The following GRIP1 variants were observed in gnomAD, a reference collection of about 807,000 sequenced individuals.
GRIP1 encodes glutamate receptor interacting protein 1.
Under a neutral mutation model 129.9 loss-of-function variants are expected in GRIP1, and 45 were observed. The ratio of observed to expected loss-of-function variants is 0.35; its 90% CI spans 0.27 to 0.44. GRIP1 has a LOEUF of 0.44. GRIP1 is among the 20% of genes least tolerant of loss of function. The pLI is 1.00. For synonymous variants in GRIP1, 530 were observed against 520.8 expected (o/e 1.02, Z -0.24); for missense variants, 1,196 against 1,396.8 (o/e 0.86, Z 2.29).
chr12:67,060,942 G>A (rs1300050071), intron 1 of GRIP1, among the ~76,000 whole-genome samples: 1 of 151,872 alleles, frequency 6.6e-6, no homozygotes, highest in Non-Finnish European at 1.5e-5. Context: ...ATATTGGGTT[G>A]TCAGAAGCCT....
intron 1 of GRIP1, among the ~76,000 whole-genome samples, chr12:66,900,122 T>C (rs1310780203): frequency 6.6e-6 from 1 of 152,176 alleles, no homozygotes; most frequent in Non-Finnish European, 1.5e-5. Context: ...GAAGCAGGAA[T>C]AGATGTTTTT....
chr12:66,953,766 AC>A, intron 1 of GRIP1, among the ~76,000 whole-genome samples: 1 of 152,344 alleles, frequency 6.6e-6, no homozygotes, highest in Middle Eastern at 3.4e-3. Context: ...AGAAAAGTAG[AC>A]AAAACTGAAT....
At chr12:66,705,721 G>A (rs2136374177) in intron 1 of GRIP1, among the ~76,000 whole-genome samples, 1 of 152,078 alleles carries the variant, frequency 6.6e-6, no homozygotes, top group South Asian at 2.1e-4. Flanking sequence ...TAGACCAATG[G>A]AACAGAACAG....
At chr12:66,721,781 A>G (rs1292085037) in intron 1 of GRIP1, among the ~76,000 whole-genome samples, 2 of 152,216 alleles carry the variant, frequency 1.3e-5, no homozygotes, top group African/African-American at 4.8e-5. Flanking sequence ...CCCTTTCATC[A>G]ATTATATGAG....
At chr12:66,864,797 A>C (rs2040174116) in intron 1 of GRIP1, among the ~76,000 whole-genome samples, 1 of 152,148 alleles carries the variant, frequency 6.6e-6, no homozygotes. Context: ...CAAATCCAGA[A>C]AATTATTGCT....
intron 19 of GRIP1, among the ~76,000 whole-genome samples, chr12:66,389,063 A>G (rs1565690354): frequency 6.6e-6 from 1 of 152,218 alleles, no homozygotes; most frequent in East Asian, 1.9e-4. Context: ...GAACAAGGCA[A>G]CTATTACAGC....
At chr12:66,444,816 C>T in intron 12 of GRIP1, 87 bp from the exon 13 acceptor site, 1 of 1,363,952 alleles carries the variant, frequency 7.3e-7, no homozygotes, top group Non-Finnish European at 1.0e-6. Flanking sequence ...TTGATCCTTG[C>T]AAAATAGCAT....
intron 23 of GRIP1, among the ~76,000 whole-genome samples, chr12:66,366,934 C>T (rs1011194604): frequency 6.6e-6 from 1 of 152,156 alleles, no homozygotes; most frequent in Non-Finnish European, 1.5e-5. Context: ...TCCTCTTGCA[C>T]TGGCCTCCCA....
rs562969273 is a variant in GRIP1 at position 66,946,534 on chromosome 12, T to C, written c.58+122516A>G. On this transcript the variant is annotated intron_variant, in intron 1 of 1. Transcript: ENST00000643019. ...CAGTGGTACCAGGAGTGTATTATTC[T>C]TCATATACTTTAATATAGTTATTCT... Among the ~76,000 whole-genome samples, 5 of 152,108 alleles carry C rather than the reference T, an allele frequency of 3.3e-5. No individual in the cohort carries two copies. The South Asian group carries it at 1.0e-3, about 32-fold the overall frequency.
At chr12:67,040,338 C>T (rs2043158531) in intron 1 of GRIP1, among the ~76,000 whole-genome samples, 1 of 152,024 alleles carries the variant, frequency 6.6e-6, no homozygotes, top group African/African-American at 2.4e-5. Context: ...AACTCAGACA[C>T]AAGGTGCATA....
At chr12:66,696,973 A>G (rs2035188200) in intron 1 of GRIP1, among the ~76,000 whole-genome samples, 2 of 152,194 alleles carry the variant, frequency 1.3e-5, no homozygotes, top group African/African-American at 4.8e-5. Context: ...TGTGCTTCCC[A>G]GAGGTGGTTC....
chr12:66,604,058 TTCC>T (rs1483816546), intron 1 of GRIP1, among the ~76,000 whole-genome samples: 2 of 152,182 alleles, frequency 1.3e-5, no homozygotes, highest in African/African-American at 4.8e-5. Context: ...CCTTAAATTC[TTCC>T]TCCTCAGATA....
intron 1 of GRIP1, among the ~76,000 whole-genome samples, chr12:66,909,442 T>C (rs1054659340): frequency 3.3e-5 from 5 of 152,240 alleles, no homozygotes; most frequent in African/African-American, 7.2e-5. Context: ...TGAAAAATCA[T>C]TGCATATGCA....
At position 66,478,214 on chromosome 12, in the gene GRIP1, T is replaced by G. The variant is rs1004568848; in HGVS notation, c.725-12792A>C. 7.5e-4 allele frequency among the ~76,000 whole-genome samples: 114 copies of G among 152,164 alleles called. 1 individual carries two copies. The highest frequency in any genetic ancestry group is 6.8e-3 in the Middle Eastern group (2 of 294). ...CAAACAACCCCATCAAAAAGTGGGC[T>G]AAGGATATGAACAGACACTTCTCAA... On this transcript the variant is annotated intron_variant, in intron 7 of 24. Coordinates refer to ENST00000359742, the MANE Select transcript of GRIP1 (RefSeq NM_001366722.1).
chr12:67,066,386 TA>T (rs1415219303), intron 1 of GRIP1, among the ~76,000 whole-genome samples: 1 of 152,198 alleles, frequency 6.6e-6, no homozygotes, highest in Non-Finnish European at 1.5e-5. Context: ...CATCTTGTAT[TA>T]ATTTGCGTTA....
chr12:66,639,641 G>A (rs1261441507), intron 1 of GRIP1, among the ~76,000 whole-genome samples: 2 of 152,132 alleles, frequency 1.3e-5, no homozygotes, highest in Non-Finnish European at 2.9e-5. Context: ...AAATAATCCA[G>A]CATAAAATGT....
intron 14 of GRIP1, among the ~76,000 whole-genome samples, chr12:66,427,239 T>C (rs986435228): frequency 1.3e-5 from 2 of 152,194 alleles, no homozygotes; most frequent in Non-Finnish European, 2.9e-5. Context: ...TGCTGTTGTC[T>C]ATTTTCCTTT....
chr12:66,546,533 A>C (rs548356078), intron 2 of GRIP1, among the ~76,000 whole-genome samples: 2 of 152,220 alleles, frequency 1.3e-5, no homozygotes, highest in South Asian at 2.1e-4. Context: ...GGAGGGATAG[A>C]CATATAGATC....
At chr12:66,611,328 C>A (rs1409128444) in intron 1 of GRIP1, among the ~76,000 whole-genome samples, 2 of 152,014 alleles carry the variant, frequency 1.3e-5, no homozygotes, top group African/African-American at 2.4e-5. Flanking sequence ...TCAAAAAATT[C>A]TTTTTGTTAG....
Sources: allele counts gnomAD v4.1 joint callset (sites outside exome capture counted in the v4.1 genomes callset), GRCh38; gene constraint gnomAD v4.1.1; transcripts MANE v1.5; gene names NCBI Gene and HGNC (gene_info 2026-07-23, HGNC 2026-07-21).